The following PPP2R3B variants were observed in gnomAD, a reference collection of about 807,000 sequenced individuals.
PPP2R3B encodes the protein serine/threonine-protein phosphatase 2A regulatory subunit B'' subunit beta.
In PPP2R3B, 68 loss-of-function variants were observed where a neutral mutation model predicts 72.9. The observed-to-expected ratio is 0.93, with a 90% CI of 0.77 to 1.14. The LOEUF (loss-of-function observed/expected upper bound fraction) is 1.14. Ranked by LOEUF, PPP2R3B falls within the 50% of genes most tolerant of loss-of-function variation. PPP2R3B has a pLI of 0.00. For missense variants in PPP2R3B, 1,018 were observed against 842.0 expected (o/e 1.21, Z -2.59); for synonymous variants, 466 against 375.8 (o/e 1.24, Z -2.78).
At position 386,666 on chromosome X, in the gene PPP2R3B, G is replaced by T. The variant is rs766488856; in HGVS notation, c.26C>A (p.Pro9Gln). 7.3e-7 allele frequency: 1 copy of T among 1,376,358 alleles called. No homozygotes were observed. Among genetic ancestry groups the T allele is most frequent in the South Asian group, 1.7e-5 (1 of 57,410 alleles). 85.3% of individuals were successfully genotyped at this position (1,376,358 alleles called of 1,614,324 possible). A position where few individuals can be genotyped will look rare whatever the true frequency, so the allele number is the denominator to read the frequency against. ...CTCGTCCACCTTCATCTTCAGGACC[G>T]GCTGCAGCACTTTGCCGGGCGGCAT... The part of the protein sequence containing the change: MPPGKVLQ[P>Q]VLKMKVDELF... Residue 9 changes from proline (P) to glutamine (Q), a missense_variant, in exon 1 of 13, where the codon CCG (proline) becomes CAG (glutamine). By Grantham distance (76) the Pro-to-Gln change is moderately conservative. Coordinates refer to ENST00000390665, the MANE Select transcript of PPP2R3B (RefSeq NM_013239.5).
Position 357,614 on chromosome X carries a change from G to A in PPP2R3B, c.510+3791C>T, listed in dbSNP as rs549149298. On this transcript the variant is annotated intron_variant, in intron 2 of 12. Coordinates refer to ENST00000390665, the MANE Select transcript of PPP2R3B (RefSeq NM_013239.5). The stretch of plus-strand genomic sequence containing the variant: ...AGATTTTGTAAATCGTACAAGACAA[G>A]GAAAAGCTTTAGAGCAAGAAATTTC... Among the ~76,000 whole-genome samples, 88 of 152,244 alleles carry A rather than the reference G, an allele frequency of 5.8e-4. 1 individual carries two copies. The South Asian group carries it at 0.018, about 31-fold the overall frequency.
chrX:349,702 T>C (rs2071289086), intron 2 of PPP2R3B, among the ~76,000 whole-genome samples: 1 of 152,234 alleles, frequency 6.6e-6, no homozygotes, highest in Non-Finnish European at 1.5e-5. Flanking sequence ...TATTTCAATA[T>C]ACTGGCAACA....
chrX:368,634 G>A (rs866016659), intron 1 of PPP2R3B, among the ~76,000 whole-genome samples: 26 of 76,646 alleles, frequency 3.4e-4, no homozygotes, highest in African/African-American at 1.5e-3. Flanking sequence ...GGGCACCGAC[G>A]GGGGGAAGGC....
chrX:345,563 T>C lies in PPP2R3B; in HGVS notation c.989A>G (p.His330Arg). ...YCKFWELDTDHDLLIDADDLA... is the reference protein window; with the variant it reads ...YCKFWELDTDRDLLIDADDLA... ...GTCGTCCGCGTCGATGAGCAGGTCGTGGTCCGTGTCCAGCTCCCAGAACTT... is the reference window on the plus strand; with the variant it reads ...GTCGTCCGCGTCGATGAGCAGGTCGCGGTCCGTGTCCAGCTCCCAGAACTT... The change falls in exon 7 of 13, where the codon CAC becomes CGC. Residue 330 changes from histidine to arginine, a missense_variant. By Grantham distance (29) the His-to-Arg change is conservative (BLOSUM62 0). Coordinates refer to ENST00000390665, the MANE Select transcript of PPP2R3B (RefSeq NM_013239.5). The C allele has an allele frequency of 6.2e-7, 1 of 1,613,180 alleles. No individual in the cohort carries two copies.
chrX:367,150 G>C (rs1287519709), intron 1 of PPP2R3B, among the ~76,000 whole-genome samples: 1 of 152,190 alleles, frequency 6.6e-6, no homozygotes, highest in Non-Finnish European at 1.5e-5. Context: ...GAAGCCAAGA[G>C]CTCCCAAAGG....
intron 1 of PPP2R3B, 62 bp downstream of exon 1, chrX:386,306 A>G: frequency 8.0e-7 from 1 of 1,257,678 alleles, no homozygotes; most frequent in East Asian, 3.0e-5. Context: ...TCGCGCAGCC[A>G]CACGCCCACT....
At chrX:368,809 G>A (rs2071789746) in intron 1 of PPP2R3B, among the ~76,000 whole-genome samples, 1 of 103,214 alleles carries the variant, frequency 9.7e-6, no homozygotes, top group African/African-American at 4.4e-5. Context: ...CACCCACCCC[G>A]GGCACTGACG....
chrX:346,446 G>C (rs2071215971), intron 5 of PPP2R3B, 186 bp from the exon 6 acceptor site: 1 of 647,014 alleles, frequency 1.5e-6, no homozygotes. Flanking sequence ...AAGCGGGGAG[G>C]GTCTGGCCGG....
intron 12 of PPP2R3B, chrX:338,396 T>G: frequency 1.6e-6 from 1 of 620,274 alleles, no homozygotes; most frequent in Non-Finnish European, 2.9e-6. Flanking sequence ...ACGGGCAGAC[T>G]GCACCGAGGC....
At chrX:378,801 T>C (rs747485115) in intron 1 of PPP2R3B, among the ~76,000 whole-genome samples, 1 of 152,174 alleles carries the variant, frequency 6.6e-6, no homozygotes, top group African/African-American at 2.4e-5. Context: ...CGGTGCCCAC[T>C]ATGAAAACGT....
intron 1 of PPP2R3B, among the ~76,000 whole-genome samples, chrX:369,666 G>A (rs1302580325): frequency 6.6e-6 from 1 of 152,210 alleles, no homozygotes; most frequent in Admixed American, 6.5e-5. Flanking sequence ...GCAGACCCCC[G>A]CATGTGCAGA....
chrX:334,747 G>C, intron 12 of PPP2R3B: 1 of 482,374 alleles, frequency 2.1e-6, no homozygotes, highest in Non-Finnish European at 3.5e-6. Context: ...ACCCAGGACG[G>C]GACGGAGCCC....
At chrX:349,197 T>C (rs2071280484) in intron 2 of PPP2R3B, among the ~76,000 whole-genome samples, 1 of 152,060 alleles carries the variant, frequency 6.6e-6, no homozygotes. Flanking sequence ...ATGAATGCGA[T>C]GAGTCCCCTT....
intron 1 of PPP2R3B, among the ~76,000 whole-genome samples, chrX:363,182 CCT>C (rs2124221040): frequency 6.6e-6 from 1 of 152,084 alleles, no homozygotes; most frequent in Admixed American, 6.5e-5. Context: ...CAGAACGTGA[CCT>C]CTGTGTCCTG....
intron 8 of PPP2R3B, 129 bp from the exon 9 acceptor site, chrX:341,525 G>GCCCCTCCTC: frequency 2.3e-6 from 2 of 883,226 alleles, no homozygotes; most frequent in African/African-American, 1.8e-5. Flanking sequence ...CCCCCCTCCT[G>GCCCCTCCTC]CCCCTCCTCC....
At chrX:338,358 A>T (rs2070946672) in intron 12 of PPP2R3B, 2 of 596,934 alleles carry the variant, frequency 3.4e-6, no homozygotes, top group African/African-American at 1.9e-5. Flanking sequence ...CCTCGCGCCC[A>T]GGATCACAGA....
chrX:342,068 C>T (rs1172803526), intron 7 of PPP2R3B, 137 bp from the exon 8 acceptor site: 9 of 1,011,560 alleles, frequency 8.9e-6, no homozygotes, highest in Non-Finnish European at 1.4e-5. Flanking sequence ...CCCGGGGCCC[C>T]GATGCCCCTG....
In PPP2R3B at chrX:342,238, C is replaced by A. The variant is rs1404527933; in HGVS notation, c.1037-307G>T. 3.3e-5 allele frequency: 18 copies of A among 552,542 alleles called. No individual in the cohort carries two copies. The Admixed American group carries it at 5.7e-4, about 17-fold the overall frequency. 34.2% of individuals were successfully genotyped at this position (552,542 alleles called of 1,614,324 possible). A position where few individuals can be genotyped will look rare whatever the true frequency, so the allele number is the denominator to read the frequency against. On this transcript the variant is annotated intron_variant, in intron 7 of 12. Coordinates refer to ENST00000390665, the MANE Select transcript of PPP2R3B (RefSeq NM_013239.5). ...ACAGCTTTCAGACGGAGAGAGAGAC[C>A]TCGAGTGTGATCACGGAAACAAACA...
At chrX:341,429 T>C (rs1328792653) in intron 8 of PPP2R3B, 33 bp from the exon 9 acceptor site, 3 of 1,605,998 alleles carry the variant, frequency 1.9e-6, no homozygotes, top group Non-Finnish European at 2.6e-6. Context: ...GAGACGAAGA[T>C]GCATGTCAGG....
Sources: allele counts gnomAD v4.1 joint callset (sites outside exome capture counted in the v4.1 genomes callset), GRCh38; gene constraint gnomAD v4.1.1; transcripts MANE v1.5; gene names NCBI Gene and HGNC (gene_info 2026-07-23, HGNC 2026-07-21).